TOM1L1: variants seen among roughly 807,000 people sequenced by gnomAD.
TOM1L1 encodes the protein TOM1-like protein 1.
Under a neutral mutation model 63.4 loss-of-function variants are expected in TOM1L1, and 64 were observed. That is an observed-to-expected ratio of 1.01 (90% CI 0.83 to 1.24). The LOEUF (loss-of-function observed/expected upper bound fraction) is 1.24, where lower values mean the gene tolerates loss of function less well. TOM1L1 is among the 50% of genes most tolerant of loss of function. The pLI, the probability that TOM1L1 is intolerant of heterozygous loss-of-function variation, is 0.00. For missense variants in TOM1L1, 536 were observed against 567.0 expected (o/e 0.95, Z 0.55); for synonymous variants, 166 against 194.4 (o/e 0.85, Z 1.22).
At chr17:54,934,713 A>ATTTTT (rs60173487) in intron 8 of TOM1L1, among the ~76,000 whole-genome samples, 4 of 147,414 alleles carry the variant, frequency 2.7e-5, no homozygotes, top group Non-Finnish European at 4.5e-5. Flanking sequence ...AACTAGATGG[A>ATTTTT]TTTTTTTTTT....
chr17:54,947,293 C>G lies in TOM1L1; in HGVS notation c.1163C>G (p.Ser388Ter). The change falls in exon 12 of 16, where the codon TCA (serine) becomes TGA (stop). Residue 388 changes from serine to a stop codon, truncating the protein, a stop_gained. Transcript: ENST00000575882. LOFTEE classifies it high-confidence loss of function. ...FAQRTSQNLT[S>*]SHAYDNFLEH... The stretch of plus-strand genomic sequence containing the variant: ...CAAAGGACCAGCCAAAACCTCACCT[C>G]AAGCCACGCATATGATAATGTAAGT... The G allele has an allele frequency of 6.2e-7, 1 of 1,614,156 alleles. No homozygotes were observed.
rs1598082175 is a variant in TOM1L1 at position 54,956,684 on chromosome 17, ATCC to A, written c.1371-3877_1371-3875del. 3 of 152,044 alleles carry A rather than the reference ATCC, an allele frequency of 2.0e-5. No individual in the cohort carries two copies. In the East Asian group the frequency reaches 5.8e-4, roughly 29 times the overall value. 9.4% of individuals were successfully genotyped at this position (152,044 alleles called of 1,614,324 possible). A position where few individuals can be genotyped will look rare whatever the true frequency, so the allele number is the denominator to read the frequency against. On this transcript the variant is annotated intron_variant, in intron 14 of 15. Transcript: ENST00000575882. ...AGTTTTGAACTCCTGGGCTCAAGCA[ATCC>A]TCCTGCCTCAGCCTTCCAAAGTGCT...
intron 10 of TOM1L1, 188 bp from the exon 11 acceptor site, chr17:54,938,736 T>G (rs1294917770): frequency 3.5e-5 from 16 of 459,796 alleles, no homozygotes; most frequent in Non-Finnish European, 6.1e-5. Flanking sequence ...CTTTTTAATT[T>G]CTCTTAGAGC....
Position 54,934,713 on chromosome 17 carries a change from AT to A in TOM1L1, c.855-1921del, listed in dbSNP as rs60173487. Among the ~76,000 whole-genome samples, 998 of 147,350 alleles carry A rather than the reference AT, an allele frequency of 6.8e-3. 4 individuals are homozygous for A. The highest frequency in any genetic ancestry group is 0.018 in the African/African-American group (728 of 40,366). ...AGAAGCTAGTGCTATAACTAGATGG[AT>A]TTTTTTTTTTTTTTCTTTTTTGAGA... On this transcript the variant is annotated intron_variant, in intron 8 of 15. Coordinates refer to ENST00000575882, the MANE Select transcript of TOM1L1 (RefSeq NM_005486.3).
intron 11 of TOM1L1, among the ~76,000 whole-genome samples, chr17:54,940,565 A>G (rs1055863024): frequency 6.6e-6 from 1 of 152,234 alleles, no homozygotes; most frequent in Non-Finnish European, 1.5e-5. Context: ...AATTGGAAAC[A>G]ACTCAAAATA....
chr17:54,949,201 C>CTTTTTTTTTTTTTTT (rs1567841055), intron 12 of TOM1L1, among the ~76,000 whole-genome samples: 1 of 75,330 alleles, frequency 1.3e-5, no homozygotes. Context: ...CCATGCCCAG[C>CTTTTTTTTTTTTTTT]TATTTTTTTT....
intron 7 of TOM1L1, among the ~76,000 whole-genome samples, chr17:54,920,837 T>G (rs1300643041): frequency 6.6e-6 from 1 of 152,068 alleles, no homozygotes; most frequent in Admixed American, 6.5e-5. Context: ...CAGCACTCAT[T>G]AGGATTTTTT....
chr17:54,927,955 T>A (rs1185239014), intron 7 of TOM1L1, among the ~76,000 whole-genome samples: 3 of 152,222 alleles, frequency 2.0e-5, no homozygotes, highest in African/African-American at 7.2e-5. Context: ...GATGTTGGCT[T>A]CAAATTCATT....
chr17:54,930,350 G>A (rs2048838745), intron 8 of TOM1L1, 144 bp downstream of exon 8: 2 of 1,160,564 alleles, frequency 1.7e-6, no homozygotes, highest in Non-Finnish European at 2.4e-6. Flanking sequence ...CATGTGGGGT[G>A]GGACAGTTTT....
chr17:54,902,833 G>A (rs967221939), intron 1 of TOM1L1, among the ~76,000 whole-genome samples: 1 of 152,226 alleles, frequency 6.6e-6, no homozygotes, highest in Non-Finnish European at 1.5e-5. Context: ...GAGAGGGAAA[G>A]ATGCCTGATT....
At chr17:54,902,358 C>T (rs898684275) in intron 1 of TOM1L1, among the ~76,000 whole-genome samples, 3 of 152,088 alleles carry the variant, frequency 2.0e-5, no homozygotes, top group Non-Finnish European at 4.4e-5. Flanking sequence ...CAGTAGCTCT[C>T]GGCACACTGC....
Position 54,901,450 on chromosome 17 carries a change from G to A in TOM1L1, c.58+527G>A, listed in dbSNP as rs115041758. On this transcript the variant is annotated intron_variant, in intron 1 of 15. Transcript: ENST00000575882. ...TAAACAAAGAGAATGAAAATGCTTG[G>A]CATTGGAGTGAAGAGGAGGGGAACA... 3.3e-3 allele frequency among the ~76,000 whole-genome samples: 499 copies of A among 152,160 alleles called. 3 individuals carry two copies. Among genetic ancestry groups the A allele is most frequent in the African/African-American group, 0.012 (478 of 41,498 alleles).
Position 54,937,203 on chromosome 17 carries a change from T to A in TOM1L1, c.1010T>A (p.Met337Lys). The A allele has an allele frequency of 6.2e-7, 1 of 1,613,314 alleles. No homozygotes were observed. Residue 337 changes from methionine (M) to lysine (K), a missense_variant, in exon 10 of 16, where the codon ATG (methionine) becomes AAG (lysine). Physicochemically the swap from Met to Lys is moderately conservative, Grantham distance 95 (BLOSUM62 -1). Transcript: ENST00000575882. The part of the protein sequence containing the change: ...PRATLGELNT[M>K]NNQLSGLNFS... ...GCCACTCTGGGAGAACTCAACACCA[T>A]GAATAATCAACTTTCAGGCTTAAGT...
chr17:54,926,859 A>G (rs1302974937), intron 7 of TOM1L1, among the ~76,000 whole-genome samples: 1 of 152,216 alleles, frequency 6.6e-6, no homozygotes, highest in Non-Finnish European at 1.5e-5. Context: ...CTTCTTTCTC[A>G]TGAGCTTATG....
intron 3 of TOM1L1, among the ~76,000 whole-genome samples, chr17:54,908,419 A>G (rs1004772420): frequency 6.6e-6 from 1 of 152,198 alleles, no homozygotes; most frequent in African/African-American, 2.4e-5. Context: ...AAATTTAATT[A>G]TGAGGGAAAT....
At chr17:54,961,162 CAA>C (rs1567853095) in intron 15 of TOM1L1, 71 bp from the exon 16 acceptor site, 8 of 1,064,806 alleles carry the variant, frequency 7.5e-6, no homozygotes, top group African/African-American at 1.6e-5. Context: ...CCAGTAAAGA[CAA>C]GAGAGTTATC....
At chr17:54,939,150 G>C in intron 11 of TOM1L1, 130 bp downstream of exon 11, 1 of 531,706 alleles carries the variant, frequency 1.9e-6, no homozygotes, top group Non-Finnish European at 3.2e-6. Context: ...AAGGCACATG[G>C]ATCACTTGAG....
At position 54,961,857 on chromosome 17, in the gene TOM1L1, T is replaced by A. The variant is rs2077132590; in HGVS notation, c.*624T>A. 2 of 959,776 alleles carry A rather than the reference T, an allele frequency of 2.1e-6. No homozygotes were observed. Among genetic ancestry groups the A allele is most frequent in the African/African-American group, 3.5e-5 (2 of 56,702 alleles). 59.5% of individuals were successfully genotyped at this position (959,776 alleles called of 1,614,324 possible). A position where few individuals can be genotyped will look rare whatever the true frequency, so the allele number is the denominator to read the frequency against. The stretch of plus-strand genomic sequence containing the variant: ...TGTAATGCTAAATAGCCTTTTTTTC[T>A]CTTTTTACTGCAACTTAATATTTCT... On this transcript the variant is annotated 3_prime_UTR_variant, in exon 16 of 16. Coordinates refer to ENST00000575882, the MANE Select transcript of TOM1L1 (RefSeq NM_005486.3).
intron 7 of TOM1L1, among the ~76,000 whole-genome samples, chr17:54,920,036 C>G (rs1725617681): frequency 1.3e-5 from 2 of 151,848 alleles, no homozygotes; most frequent in Admixed American, 1.3e-4. Flanking sequence ...CCCCCTCTAA[C>G]CCTATGTCAT....
Sources: allele counts gnomAD v4.1 joint callset (sites outside exome capture counted in the v4.1 genomes callset), GRCh38; gene constraint gnomAD v4.1.1; transcripts MANE v1.5; gene names NCBI Gene and HGNC (gene_info 2026-07-23, HGNC 2026-07-21).